Variants in FBXW8 observed in about 807,000 individuals in gnomAD.
FBXW8 encodes the protein F-box/WD repeat-containing protein 8.
In FBXW8, 57 loss-of-function variants were observed where a neutral mutation model predicts 65.3. That is an observed-to-expected ratio of 0.87 (90% CI 0.71 to 1.09). FBXW8 has a LOEUF of 1.09. Among genes scored for constraint, FBXW8 ranks in the 50% least tolerant of loss-of-function variants. The pLI, the probability that FBXW8 is intolerant of heterozygous loss-of-function variation, is 0.00. For missense variants in FBXW8, 777 were observed against 814.8 expected (o/e 0.95, Z 0.57); for synonymous variants, 308 against 330.2 (o/e 0.93, Z 0.73).
intron 2 of FBXW8, among the ~76,000 whole-genome samples, chr12:116,929,053 G>A (rs1049522200): frequency 1.2e-4 from 19 of 152,134 alleles, no homozygotes; most frequent in African/African-American, 2.9e-4. Context: ...TGATCTGCCC[G>A]CCTTGGCCTC....
At chr12:116,912,451 CTT>C (rs34430069) in intron 1 of FBXW8, among the ~76,000 whole-genome samples, 490 of 86,464 alleles carry the variant, frequency 5.7e-3, no homozygotes, top group Non-Finnish European at 8.9e-3. Flanking sequence ...GAGAATCATT[CTT>C]TTTTTTTTTT....
intron 3 of FBXW8, chr12:116,949,379 T>A: frequency 1.1e-5 from 6 of 528,890 alleles, no homozygotes; most frequent in South Asian, 1.1e-4. Context: ...TGGGGCAATG[T>A]CTCACACGTC....
At chr12:116,917,991 C>CAAA (rs11451674) in intron 1 of FBXW8, among the ~76,000 whole-genome samples, 4 of 118,140 alleles carry the variant, frequency 3.4e-5, no homozygotes, top group Non-Finnish European at 4.9e-5. Flanking sequence ...GACTCCACCT[C>CAAA]AAAAAAAAAA....
chr12:116,988,042 T>C (rs1437091451), intron 6 of FBXW8, among the ~76,000 whole-genome samples: 1 of 152,224 alleles, frequency 6.6e-6, no homozygotes, highest in Non-Finnish European at 1.5e-5. Flanking sequence ...TGCTTCCCTC[T>C]AGGACTGCAT....
chr12:116,935,663 C>T (rs1030576972), intron 2 of FBXW8, among the ~76,000 whole-genome samples: 3 of 152,140 alleles, frequency 2.0e-5, no homozygotes, highest in Non-Finnish European at 4.4e-5. Flanking sequence ...CTAGATGAAA[C>T]AAGAATGGCA....
intron 2 of FBXW8, among the ~76,000 whole-genome samples, chr12:116,937,486 C>T (rs754290058): frequency 1.3e-5 from 2 of 152,174 alleles, no homozygotes; most frequent in Non-Finnish European, 2.9e-5. Context: ...CCAGATGTGT[C>T]GTTCCTTGGG....
chr12:116,914,352 G>A (rs1880228357), intron 1 of FBXW8, among the ~76,000 whole-genome samples: 1 of 151,580 alleles, frequency 6.6e-6, no homozygotes, highest in South Asian at 2.1e-4. Context: ...GCTGAGGTGG[G>A]TGGATGGATC....
chr12:116,910,979 G>A lies in FBXW8; in HGVS notation c.-59G>A. 1.5e-6 allele frequency: 2 copies of A among 1,326,292 alleles called. No individual in the cohort carries two copies. Among genetic ancestry groups the A allele is most frequent in the African/African-American group, 1.5e-5 (1 of 64,892 alleles). The allele number at this position is 1,326,292 out of a possible 1,614,324, so 82.2% of individuals were successfully genotyped here. Reference sequence around the variant, plus strand: ...CCGCGGCGGACACTTCCCTGGGCGGGACTGTCTCGTGGCACCCGGTGGAAC... The same window carrying A: ...CCGCGGCGGACACTTCCCTGGGCGGAACTGTCTCGTGGCACCCGGTGGAAC... On this transcript the variant is annotated 5_prime_UTR_variant, in exon 1 of 11. Coordinates refer to ENST00000652555, the MANE Select transcript of FBXW8 (RefSeq NM_153348.3).
intron 3 of FBXW8, among the ~76,000 whole-genome samples, chr12:116,947,736 CA>C (rs60233448): frequency 0.016 from 1,156 of 74,474 alleles, 15 homozygotes; most frequent in African/African-American, 0.049. Context: ...GAGACTGTCT[CA>C]AAAAAAAAAA....
intron 5 of FBXW8, among the ~76,000 whole-genome samples, chr12:116,971,202 A>C (rs1230446725): frequency 1.3e-5 from 2 of 152,004 alleles, no homozygotes; most frequent in Admixed American, 1.3e-4. Flanking sequence ...GTCTCTACAA[A>C]AAATGAACTA....
At chr12:116,921,723 G>C (rs913833307) in intron 1 of FBXW8, among the ~76,000 whole-genome samples, 14 of 150,452 alleles carry the variant, frequency 9.3e-5, no homozygotes, top group African/African-American at 3.4e-4. Context: ...GCTCACTGTA[G>C]AAATATTTAG....
intron 10 of FBXW8, 67 bp downstream of exon 10, chr12:117,027,571 C>A (rs544399920): frequency 2.5e-4 from 303 of 1,198,980 alleles, no homozygotes; most frequent in Non-Finnish European, 3.3e-4. Flanking sequence ...CCCCACCCCC[C>A]CCGCCGTGAC....
At chr12:116,998,164 G>C (rs529654005) in intron 7 of FBXW8, among the ~76,000 whole-genome samples, 124 of 152,264 alleles carry the variant, frequency 8.1e-4, no homozygotes, top group African/African-American at 2.9e-3. Context: ...GAATGGGACA[G>C]GTCAATTTAG....
chr12:117,024,847 G>A (rs1052961965), intron 9 of FBXW8, among the ~76,000 whole-genome samples: 1 of 152,254 alleles, frequency 6.6e-6, no homozygotes, highest in African/African-American at 2.4e-5. Context: ...AGAGCACTTA[G>A]GACTGAAGGG....
rs547626700 is a variant in FBXW8 at position 117,029,000 on chromosome 12, G to A, written c.*828G>A. 10 of 152,220 alleles carry A rather than the reference G, an allele frequency of 6.6e-5. No individual in the cohort carries two copies. In the South Asian group the frequency reaches 1.0e-3, roughly 16 times the overall value. The allele number at this position is 152,220 out of a possible 1,614,324, so 9.4% of individuals were successfully genotyped here. A position where few individuals can be genotyped will look rare whatever the true frequency, so the allele number is the denominator to read the frequency against. ...TAATATACCTTCAGAATATCAAAGC[G>A]AAAACTGATAGAACTACAAAGAGAA... is the stretch of plus-strand genomic sequence containing the variant. On this transcript the variant is annotated 3_prime_UTR_variant, in exon 11 of 11. Coordinates refer to ENST00000652555, the MANE Select transcript of FBXW8 (RefSeq NM_153348.3). This position sits in a 1 kb window ranked among gnomAD's most constrained non-coding sequence, Gnocchi z 4.1.
chr12:117,024,936 A>C (rs1954189720), intron 9 of FBXW8, among the ~76,000 whole-genome samples: 1 of 152,190 alleles, frequency 6.6e-6, no homozygotes. Flanking sequence ...ATACTATCCT[A>C]AGCACAGGCT....
At chr12:116,929,673 A>G (rs1881618908) in intron 2 of FBXW8, among the ~76,000 whole-genome samples, 1 of 152,212 alleles carries the variant, frequency 6.6e-6, no homozygotes, top group Non-Finnish European at 1.5e-5. Context: ...AACATGTATT[A>G]CCTCACATAC....
At chr12:116,942,417 C>T (rs1034952183) in intron 2 of FBXW8, among the ~76,000 whole-genome samples, 2 of 150,212 alleles carry the variant, frequency 1.3e-5, no homozygotes, top group Non-Finnish European at 3.0e-5. Flanking sequence ...CGCTGTTGCC[C>T]AGGCTGGAGT....
intron 2 of FBXW8, among the ~76,000 whole-genome samples, chr12:116,934,134 G>A (rs571948268): frequency 1.3e-5 from 2 of 152,230 alleles, no homozygotes; most frequent in East Asian, 1.9e-4. Context: ...AAACCATGCC[G>A]GAGACTGATT....
Sources: allele counts gnomAD v4.1 joint callset (sites outside exome capture counted in the v4.1 genomes callset), GRCh38; gene constraint gnomAD v4.1.1; non-coding constraint Gnocchi (gnomAD v3.1); transcripts MANE v1.5; gene names NCBI Gene and HGNC (gene_info 2026-07-23, HGNC 2026-07-21).